The following ZBTB46 variants were observed in gnomAD, a reference collection of about 807,000 sequenced individuals.
The protein encoded by ZBTB46 is zinc finger and BTB domain containing 46, also known as zinc finger and BTB domain-containing protein 46.
ZBTB46 carries 8 observed loss-of-function variants against 44.1 expected under a neutral mutation model. The observed-to-expected ratio is 0.18, with a 90% CI of 0.11 to 0.33. The LOEUF is 0.33. ZBTB46 is among the 10% of genes least tolerant of loss of function. The pLI is 1.00. For synonymous variants in ZBTB46, 409 were observed against 382.3 expected, an observed-to-expected ratio of 1.07 and a Z score of -0.81; for missense variants, 651 against 847.7, an observed-to-expected ratio of 0.77 and a Z score of 2.88.
chr20:63,797,352 A>G (rs1457129511), intron 1 of ZBTB46, among the ~76,000 whole-genome samples: 1 of 152,168 alleles, frequency 6.6e-6, no homozygotes, highest in Non-Finnish European at 1.5e-5. Flanking sequence ...TTATGGCTGC[A>G]TAGTATTCTA....
At chr20:63,769,282 G>C (rs2145833939) in intron 3 of ZBTB46, 1 of 985,420 alleles carries the variant, frequency 1.0e-6, no homozygotes. Flanking sequence ...GGCTCCCTGG[G>C]CTGGGTCTGG....
chr20:63,747,336 G>C (rs2092103254), intron 4 of ZBTB46, 35 bp from the exon 5 acceptor site: 1 of 1,397,186 alleles, frequency 7.2e-7, no homozygotes, highest in African/African-American at 1.7e-5. Context: ...GCAGGGCCTG[G>C]TGGGTTGGGG....
intron 3 of ZBTB46, among the ~76,000 whole-genome samples, chr20:63,758,831 A>C (rs2092248688): frequency 6.6e-6 from 1 of 151,060 alleles, no homozygotes; most frequent in Admixed American, 6.6e-5. Flanking sequence ...TCCCGGGTTC[A>C]CGCCATTCTC....
chr20:63,754,379 G>C (rs1392263458), intron 3 of ZBTB46, among the ~76,000 whole-genome samples: 1 of 152,186 alleles, frequency 6.6e-6, no homozygotes, highest in African/African-American at 2.4e-5. Flanking sequence ...ACACCCAACA[G>C]AGCAAACGCT....
At chr20:63,756,741 C>A (rs996963163) in intron 3 of ZBTB46, among the ~76,000 whole-genome samples, 1 of 152,234 alleles carries the variant, frequency 6.6e-6, no homozygotes, top group South Asian at 2.1e-4. Flanking sequence ...AATCACCACA[C>A]GTTTTATTGC....
rs2092333430 is a variant in ZBTB46, at chr20:63,767,832, G to C, written c.1222+7846C>G. 1.0e-6 allele frequency: 1 copy of C among 975,274 alleles called. No individual in the cohort carries two copies. The highest frequency in any genetic ancestry group is 1.8e-5 in the African/African-American group (1 of 57,034). 60.4% of individuals were successfully genotyped at this position (975,274 alleles called of 1,614,324 possible). A position where few individuals can be genotyped will look rare whatever the true frequency, so the allele number is the denominator to read the frequency against. The stretch of plus-strand genomic sequence containing the variant: ...GGCTGGGCAAGTCCATCCAGGGCTG[G>C]GCAAGTCCATCCAGGCCTGGGCTGG... On this transcript the variant is annotated intron_variant, in intron 3 of 4. Coordinates refer to ENST00000245663, the MANE Select transcript of ZBTB46 (RefSeq NM_001369741.1). The surrounding 1 kb of genome is among the most constrained non-coding windows in gnomAD (Gnocchi z 5.0).
chr20:63,750,916 A>C (rs1296152927), intron 4 of ZBTB46, among the ~76,000 whole-genome samples: 1 of 152,116 alleles, frequency 6.6e-6, no homozygotes, highest in Non-Finnish European at 1.5e-5. Flanking sequence ...AAAAAACAAA[A>C]AAACAAACCC....
intron 1 of ZBTB46, among the ~76,000 whole-genome samples, chr20:63,811,826 G>A (rs2092719379): frequency 6.6e-6 from 1 of 152,168 alleles, no homozygotes; most frequent in Admixed American, 6.5e-5. Context: ...AAGACAAAAT[G>A]TTAGAATCAC....
chr20:63,800,528 GAGCCGGCTCCCTC>G (rs897942769), intron 1 of ZBTB46, among the ~76,000 whole-genome samples: 38 of 152,260 alleles, frequency 2.5e-4, no homozygotes, highest in Admixed American at 4.6e-4. Context: ...GCCAAGGCCG[GAGCCGGCTCCCTC>G]AGCTTGCGGG....
chr20:63,807,447 T>C (rs2092688825), intron 1 of ZBTB46, among the ~76,000 whole-genome samples: 1 of 152,070 alleles, frequency 6.6e-6, no homozygotes, highest in East Asian at 1.9e-4. Flanking sequence ...CGAGTTCGAG[T>C]GATTCTCCCA....
Position 63,752,657 on chromosome 20 carries a change from CGCGGCACGCGGA to C in ZBTB46, c.1398+17_1398+28del. On this transcript the variant is annotated intron_variant, in intron 4 of 4. Coordinates refer to ENST00000245663, the MANE Select transcript of ZBTB46 (RefSeq NM_001369741.1). The surrounding 1 kb of genome is among the most constrained non-coding windows in gnomAD (Gnocchi z 5.6). ...CCGGACATCGTGGCCACGCGCAGCG[CGCGGCACGCGGA>C]CCCTCCCCGCACTCACCAGCGTGTG... is the stretch of plus-strand genomic sequence containing the variant. The C allele has an allele frequency of 6.7e-7, 1 of 1,500,880 alleles. No homozygotes were observed. The highest frequency in any genetic ancestry group is 8.9e-7 in the Non-Finnish European group (1 of 1,124,232). The allele number at this position is 1,500,880 out of a possible 1,614,324, so 93.0% of individuals were successfully genotyped here. A position where few individuals can be genotyped will look rare whatever the true frequency, so the allele number is the denominator to read the frequency against.
At chr20:63,774,708 T>TG (rs760534633) in intron 3 of ZBTB46, among the ~76,000 whole-genome samples, 36 of 47,522 alleles carry the variant, frequency 7.6e-4, no homozygotes, top group South Asian at 5.5e-3. Flanking sequence ...GTTTTTTTTT[T>TG]TGTTTTTTTT....
chr20:63,801,244 G>A (rs2092642230), intron 1 of ZBTB46, among the ~76,000 whole-genome samples: 2 of 152,194 alleles, frequency 1.3e-5, no homozygotes, highest in African/African-American at 4.8e-5. Flanking sequence ...CTCAAGGTTT[G>A]TGAACACACC....
At chr20:63,765,044 C>CGT (rs3068812) in intron 3 of ZBTB46, among the ~76,000 whole-genome samples, 2 of 150,854 alleles carry the variant, frequency 1.3e-5, no homozygotes, top group East Asian at 1.9e-4. Flanking sequence ...TGTGTGCGTG[C>CGT]GTGTGTGTGT....
At chr20:63,816,712 T>C (rs903124769) in intron 1 of ZBTB46, among the ~76,000 whole-genome samples, 10 of 152,164 alleles carry the variant, frequency 6.6e-5, no homozygotes, top group African/African-American at 2.2e-4. Flanking sequence ...CGTGACCTTA[T>C]TTGGAAATAG....
chr20:63,748,926 G>A (rs937972524), intron 4 of ZBTB46, among the ~76,000 whole-genome samples: 2 of 152,244 alleles, frequency 1.3e-5, no homozygotes, highest in African/African-American at 4.8e-5. Flanking sequence ...CTGACGGGCA[G>A]GCACCACAGC....
chr20:63,805,470 G>T lies in ZBTB46; in HGVS notation c.-33-14680C>A, dbSNP rs559908639. 2.6e-5 allele frequency among the ~76,000 whole-genome samples: 4 copies of T among 151,364 alleles called. No individual in the cohort carries two copies. In the East Asian group the frequency reaches 7.8e-4, roughly 29 times the overall value. Reference sequence around the variant, plus strand: ...ACAGAGCAAGACCCCCATCTCTAAAGGAAAAAAAAAGACACAGGGAGGAGA... The same window carrying T: ...ACAGAGCAAGACCCCCATCTCTAAATGAAAAAAAAAGACACAGGGAGGAGA... On this transcript the variant is annotated intron_variant, in intron 1 of 4. Transcript: ENST00000245663.
intron 1 of ZBTB46, among the ~76,000 whole-genome samples, chr20:63,826,871 C>T (rs1182334439): frequency 6.6e-6 from 1 of 152,238 alleles, no homozygotes. Context: ...GACCAGCTCC[C>T]AAAAGCTGCC....
At chr20:63,783,900 G>T (rs549075317) in intron 2 of ZBTB46, among the ~76,000 whole-genome samples, 1 of 152,336 alleles carries the variant, frequency 6.6e-6, no homozygotes, top group East Asian at 1.9e-4. Flanking sequence ...GGCTGTGAAA[G>T]GTGTTCAGGA....
Sources: gnomAD v4.1 joint callset for allele counts (sites outside exome capture counted in the v4.1 genomes callset) on GRCh38, gnomAD v4.1.1 for gene constraint, Gnocchi (gnomAD v3.1) non-coding constraint, MANE v1.5 for transcripts, NCBI Gene and HGNC (gene_info 2026-07-23, HGNC 2026-07-21) for gene names.